PYGO1: variants seen among roughly 807,000 people sequenced by gnomAD.
PYGO1 encodes pygopus homolog 1.
In PYGO1, 6 loss-of-function variants were observed where a neutral mutation model predicts 29.5. The ratio of observed to expected loss-of-function variants is 0.20; its 90% CI spans 0.11 to 0.40. PYGO1 has a LOEUF of 0.40. PYGO1 is among the 10% of genes least tolerant of loss of function. PYGO1 has a pLI of 1.00. For missense variants in PYGO1, 515 were observed against 514.9 expected (o/e 1.00, Z 0.00); for synonymous variants, 186 against 180.5 (o/e 1.03, Z -0.24).
At chr15:55,572,485 T>C (rs112113227) in intron 1 of PYGO1, among the ~76,000 whole-genome samples, 94 of 152,304 alleles carry the variant, frequency 6.2e-4, no homozygotes, top group African/African-American at 2.1e-3. Flanking sequence ...TTCCTTGACA[T>C]TGGTCTTGCC....
chr15:55,549,050 T>A, intron 1 of PYGO1, 55 bp from the exon 2 acceptor site: 2 of 1,332,314 alleles, frequency 1.5e-6, no homozygotes, highest in East Asian at 4.6e-5. Context: ...AGTTACTTTA[T>A]ATCTCATAGT....
chr15:55,556,612 T>C (rs2196775), intron 1 of PYGO1, among the ~76,000 whole-genome samples: 142,803 of 151,898 alleles, frequency 0.94, 67,281 homozygotes, highest in Non-Finnish European at 0.97. Context: ...GCAAACAAAC[T>C]CCAAAGGTAG....
At chr15:55,564,970 C>T (rs964486133) in intron 1 of PYGO1, among the ~76,000 whole-genome samples, 10 of 152,150 alleles carry the variant, frequency 6.6e-5, no homozygotes, top group African/African-American at 2.2e-4. Context: ...GCTCTTATCT[C>T]CTAGAGACCA....
intron 1 of PYGO1, among the ~76,000 whole-genome samples, chr15:55,567,516 T>C (rs2058962141): frequency 6.6e-6 from 1 of 152,160 alleles, no homozygotes; most frequent in Non-Finnish European, 1.5e-5. Context: ...TATTAGACCT[T>C]TGTCAGATGC....
intron 1 of PYGO1, among the ~76,000 whole-genome samples, chr15:55,565,018 T>C (rs1209761237): frequency 6.6e-6 from 1 of 152,226 alleles, no homozygotes; most frequent in Non-Finnish European, 1.5e-5. Flanking sequence ...CTGCTTTCAA[T>C]GTGTATCAAC....
At position 55,540,402 on chromosome 15, in the gene PYGO1, T is replaced by A. The variant is rs1004946316; in HGVS notation, c.*5621A>T. The A allele has an allele frequency of 1.3e-5, 2 of 152,116 alleles. No homozygotes were observed. The highest frequency in any genetic ancestry group is 2.9e-5 in the Non-Finnish European group (2 of 67,948). The allele number at this position is 152,116 out of a possible 1,614,324, so 9.4% of individuals were successfully genotyped here. A position where few individuals can be genotyped will look rare whatever the true frequency, so the allele number is the denominator to read the frequency against. On this transcript the variant is annotated 3_prime_UTR_variant, in exon 3 of 3. Transcript: ENST00000563719. ...AAGTTACTATATAATTTTAGTAGTATGTGCTAAAAAATCCTAATATGCACT... is the reference window on the plus strand; with the variant it reads ...AAGTTACTATATAATTTTAGTAGTAAGTGCTAAAAAATCCTAATATGCACT...
intron 1 of PYGO1, among the ~76,000 whole-genome samples, chr15:55,573,520 C>G (rs1207290872): frequency 2.6e-5 from 4 of 152,146 alleles, no homozygotes; most frequent in Admixed American, 2.6e-4. Flanking sequence ...ATCAGTATCT[C>G]AGAGAGTTAT....
chr15:55,586,775 C>T (rs537346501), intron 1 of PYGO1, among the ~76,000 whole-genome samples: 1 of 152,230 alleles, frequency 6.6e-6, no homozygotes, highest in Non-Finnish European at 1.5e-5. Context: ...ACATTATCTA[C>T]CAGGTGAGCC....
At chr15:55,553,634 C>T (rs1336176692) in intron 1 of PYGO1, among the ~76,000 whole-genome samples, 1 of 152,174 alleles carries the variant, frequency 6.6e-6, no homozygotes, top group Non-Finnish European at 1.5e-5. Flanking sequence ...TGGTCTCAAA[C>T]TCCTGACCTC....
At chr15:55,572,017 T>C (rs185853025) in intron 1 of PYGO1, among the ~76,000 whole-genome samples, 80 of 152,220 alleles carry the variant, frequency 5.3e-4, no homozygotes, top group African/African-American at 1.8e-3. Flanking sequence ...ATCTACAGAT[T>C]CAATATAATC....
intron 1 of PYGO1, among the ~76,000 whole-genome samples, chr15:55,563,102 T>C (rs1035623141): frequency 3.3e-5 from 5 of 151,910 alleles, no homozygotes; most frequent in African/African-American, 1.2e-4. Flanking sequence ...TTCATCAAAA[T>C]TAAAAACTTT....
chr15:55,588,753 C>T, upstream of PYGO1: 2 of 1,587,532 alleles, frequency 1.3e-6, no homozygotes, highest in Non-Finnish European at 1.7e-6. Context: ...TCGGAGGCCA[C>T]AGCAGCAGGC....
chr15:55,560,250 G>T (rs368711560), intron 1 of PYGO1, among the ~76,000 whole-genome samples: 31 of 152,202 alleles, frequency 2.0e-4, no homozygotes, highest in African/African-American at 6.7e-4. Context: ...AATTATCTTT[G>T]TTTGTAGATG....
chr15:55,566,153 C>T (rs531052296), intron 1 of PYGO1, among the ~76,000 whole-genome samples: 2 of 152,046 alleles, frequency 1.3e-5, no homozygotes, highest in Non-Finnish European at 2.9e-5. Flanking sequence ...TTGTATGATG[C>T]TGAGGTTTGA....
At chr15:55,563,366 C>CT (rs746208614) in intron 1 of PYGO1, among the ~76,000 whole-genome samples, 46,848 of 128,774 alleles carry the variant, frequency 0.36, 9,040 homozygotes, top group East Asian at 0.74. Context: ...TGAATAAATT[C>CT]TTTTTTTTTT....
intron 1 of PYGO1, among the ~76,000 whole-genome samples, chr15:55,564,832 C>T (rs1595987931): frequency 6.6e-6 from 1 of 152,182 alleles, no homozygotes; most frequent in South Asian, 2.1e-4. Context: ...ATCAAGGTAT[C>T]AGTAGGGTGA....
At chr15:55,556,749 G>C (rs2058907281) in intron 1 of PYGO1, among the ~76,000 whole-genome samples, 2 of 150,738 alleles carry the variant, frequency 1.3e-5, no homozygotes, top group African/African-American at 4.9e-5. Context: ...GAGACTGCTA[G>C]CTAGACTAAT....
rs147399000 is a variant in PYGO1 at position 55,571,707 on chromosome 15, T to A, written c.49+16128A>T. Among the ~76,000 whole-genome samples, 131 of 152,276 alleles carry A rather than the reference T, an allele frequency of 8.6e-4. 1 individual carries two copies. Among genetic ancestry groups the A allele is most frequent in the Middle Eastern group, 6.8e-3 (2 of 294 alleles). On this transcript the variant is annotated intron_variant, in intron 1 of 2. Transcript: ENST00000563719. ...AGTCCATTAAACCTCTTTTTATCTA[T>A]AAATCATCCAGTCTTGGGTATGTCT...
intron 1 of PYGO1, among the ~76,000 whole-genome samples, chr15:55,554,339 G>A (rs2141652132): frequency 6.6e-6 from 1 of 151,956 alleles, no homozygotes; most frequent in African/African-American, 2.4e-5. Flanking sequence ...TGTGGTGGTG[G>A]GCACCTGCAG....
Sources: allele counts gnomAD v4.1 joint callset (sites outside exome capture counted in the v4.1 genomes callset), GRCh38; gene constraint gnomAD v4.1.1; transcripts MANE v1.5; gene names NCBI Gene and HGNC (gene_info 2026-07-23, HGNC 2026-07-21).